The following SORCS1 variants were observed in gnomAD, a reference collection of about 807,000 sequenced individuals.
SORCS1 encodes the protein VPS10 domain-containing receptor SorCS1.
SORCS1 carries 60 observed loss-of-function variants against 146.1 expected under a neutral mutation model. The observed-to-expected ratio is 0.41, with a 90% CI of 0.33 to 0.51. The LOEUF (loss-of-function observed/expected upper bound fraction) is 0.51, where lower values mean the gene tolerates loss of function less well. Among genes scored for constraint, SORCS1 ranks in the 20% least tolerant of loss-of-function variants. The probability of loss-of-function intolerance (pLI) is 0.21; values close to 1 mark genes in which losing one functional copy is unlikely to be tolerated. For synonymous variants in SORCS1, 637 were observed against 584.0 expected (o/e 1.09, Z -1.31); for missense variants, 1,352 against 1,487.6 (o/e 0.91, Z 1.50).
the SORCS1 span, among the ~76,000 whole-genome samples, chr10:107,172,409 G>A: frequency 6.6e-6 from 1 of 152,266 alleles, no homozygotes; most frequent in Admixed American, 6.5e-5. Context: ...TCTCATTATG[G>A]AGATCATCTT....
In SORCS1 at chr10:106,664,511, G is replaced by A. The variant is rs149825947; in HGVS notation, c.2303+3178C>T. Among the ~76,000 whole-genome samples, 1,238 of 152,150 alleles carry A rather than the reference G, an allele frequency of 8.1e-3. 10 individuals are homozygous for A. The highest frequency in any genetic ancestry group is 0.013 in the Non-Finnish European group (898 of 68,006). ...CAAAACATTAGCTGGGCTTGGTGGC[G>A]GGTGCCTGTAGTCCCAGCTACTCGG... is the stretch of plus-strand genomic sequence containing the variant. On this transcript the variant is annotated intron_variant, in intron 17 of 25. Coordinates refer to ENST00000263054, the MANE Select transcript of SORCS1 (RefSeq NM_052918.5).
intron 2 of SORCS1, among the ~76,000 whole-genome samples, chr10:106,914,819 C>G (rs1952335453): frequency 6.6e-6 from 1 of 152,166 alleles, no homozygotes; most frequent in African/African-American, 2.4e-5. Flanking sequence ...GTGGTGCCCT[C>G]TCATGCTGGC....
At chr10:107,065,499 TCTCCTCTCCTC>T (rs1961734227) in intron 1 of SORCS1, among the ~76,000 whole-genome samples, 2 of 86,624 alleles carry the variant, frequency 2.3e-5, no homozygotes, top group Non-Finnish European at 4.6e-5. Context: ...TCTCCTCTCC[TCTCCTCTCCTC>T]TCTTTCTTTC....
At chr10:106,665,512 C>T (rs567068644) in intron 17 of SORCS1, among the ~76,000 whole-genome samples, 3 of 151,982 alleles carry the variant, frequency 2.0e-5, no homozygotes, top group Middle Eastern at 3.4e-3. Context: ...CATGTGCTAC[C>T]ACAATAGCTT....
intron 1 of SORCS1, among the ~76,000 whole-genome samples, chr10:106,995,188 C>A (rs965694432): frequency 6.6e-6 from 1 of 151,944 alleles, no homozygotes; most frequent in African/African-American, 2.4e-5. Context: ...GTGGCGGGCG[C>A]CTGTAGTCCC....
chr10:106,689,660 A>G (rs1165713757), intron 9 of SORCS1, among the ~76,000 whole-genome samples: 3 of 152,196 alleles, frequency 2.0e-5, no homozygotes, highest in Admixed American at 2.0e-4. Context: ...AAAACCTCCA[A>G]TACTCACTAC....
chr10:106,728,837 A>G (rs1243840020), intron 6 of SORCS1, among the ~76,000 whole-genome samples: 1 of 152,202 alleles, frequency 6.6e-6, no homozygotes, highest in African/African-American at 2.4e-5. Flanking sequence ...TCTCTGGGCC[A>G]GCGCTGGGTA....
chr10:106,800,833 A>T (rs1423414672), intron 3 of SORCS1, among the ~76,000 whole-genome samples: 5 of 151,986 alleles, frequency 3.3e-5, no homozygotes, highest in Non-Finnish European at 7.4e-5. Context: ...GAGCCACCGT[A>T]CCCGGCCAGT....
chr10:107,047,082 G>A (rs1432507603), intron 1 of SORCS1, among the ~76,000 whole-genome samples: 3 of 152,186 alleles, frequency 2.0e-5, no homozygotes, highest in Admixed American at 6.5e-5. Context: ...TCTGCCTCCC[G>A]GGTTCAAGCC....
chr10:106,797,989 T>C (rs1946660471), intron 3 of SORCS1, among the ~76,000 whole-genome samples: 1 of 152,262 alleles, frequency 6.6e-6, no homozygotes, highest in Non-Finnish European at 1.5e-5. Flanking sequence ...TTATGGGTAC[T>C]GATATGGTTT....
At chr10:106,978,122 T>G (rs1208012855) in intron 1 of SORCS1, among the ~76,000 whole-genome samples, 1 of 152,144 alleles carries the variant, frequency 6.6e-6, no homozygotes, top group East Asian at 1.9e-4. Flanking sequence ...GTTTTGTATT[T>G]TTAGTAGAGA....
At chr10:106,915,343 T>C (rs1952365899) in intron 2 of SORCS1, among the ~76,000 whole-genome samples, 1 of 152,182 alleles carries the variant, frequency 6.6e-6, no homozygotes, top group Non-Finnish European at 1.5e-5. Context: ...AACAAACCAA[T>C]GCATTTCTAC....
chr10:107,072,454 C>A (rs73383368), intron 1 of SORCS1, among the ~76,000 whole-genome samples: 8,974 of 152,140 alleles, frequency 0.059, 804 homozygotes, highest in African/African-American at 0.2. Context: ...CTGAGCACTC[C>A]CTATGCTCTA....
chr10:106,990,240 C>T (rs1431104580), intron 1 of SORCS1, among the ~76,000 whole-genome samples: 1 of 152,058 alleles, frequency 6.6e-6, no homozygotes, highest in Admixed American at 6.6e-5. Context: ...AAAAACAAGG[C>T]CTTCTAACAG....
chr10:106,895,951 G>GTGTATA (rs377552647), intron 2 of SORCS1, among the ~76,000 whole-genome samples: 14 of 150,968 alleles, frequency 9.3e-5, no homozygotes, highest in African/African-American at 3.4e-4. Context: ...GTGTGTGTGT[G>GTGTATA]TATATATATA....
At chr10:107,092,386 T>C (rs1246047996) in intron 1 of SORCS1, among the ~76,000 whole-genome samples, 2 of 152,208 alleles carry the variant, frequency 1.3e-5, no homozygotes, top group Non-Finnish European at 2.9e-5. Flanking sequence ...TTGTGGAAGC[T>C]GAGTAGTATT....
intron 2 of SORCS1, among the ~76,000 whole-genome samples, chr10:106,946,107 T>C (rs1954329063): frequency 6.6e-6 from 1 of 152,210 alleles, no homozygotes; most frequent in Admixed American, 6.5e-5. Flanking sequence ...TATTCAGAAC[T>C]GTATCACCTA....
intron 2 of SORCS1, among the ~76,000 whole-genome samples, chr10:106,856,874 T>TG (rs1320250042): frequency 3.3e-5 from 5 of 152,228 alleles, no homozygotes; most frequent in Admixed American, 1.3e-4. Context: ...GTCTGACTGT[T>TG]GGTCTTTCCA....
chr10:106,732,344 T>A (rs144605296), intron 5 of SORCS1, among the ~76,000 whole-genome samples: 1 of 152,144 alleles, frequency 6.6e-6, no homozygotes, highest in Non-Finnish European at 1.5e-5. Context: ...TTCAGTTAAG[T>A]ACTGCAGCGA....
Sources: gnomAD v4.1 joint callset for allele counts (sites outside exome capture counted in the v4.1 genomes callset) on GRCh38, gnomAD v4.1.1 for gene constraint, MANE v1.5 for transcripts, NCBI Gene and HGNC (gene_info 2026-07-23, HGNC 2026-07-21) for gene names.